The following TBX18 variants were observed in gnomAD, a reference collection of about 807,000 sequenced individuals.
The protein encoded by TBX18 is T-box transcription factor TBX18.
TBX18 carries 21 observed loss-of-function variants against 55.0 expected under a neutral mutation model. That is an observed-to-expected ratio of 0.38 (90% confidence interval 0.27 to 0.55). TBX18 has a LOEUF of 0.55. Among genes scored for constraint, TBX18 ranks in the 20% least tolerant of loss-of-function variants. The probability of loss-of-function intolerance (pLI) is 0.73; values close to 1 mark genes in which losing one functional copy is unlikely to be tolerated. For missense variants in TBX18, 840 were observed against 799.6 expected (o/e 1.05, Z -0.61); for synonymous variants, 342 against 326.1 (o/e 1.05, Z -0.53).
chr6:84,760,265 T>C lies in TBX18; in HGVS notation c.589A>G (p.Lys197Glu). 6.3e-7 allele frequency: 1 copy of C among 1,591,826 alleles called. No homozygotes were observed. The highest frequency in any genetic ancestry group is 8.6e-7 in the Non-Finnish European group (1 of 1,167,716). Reference protein sequence around the residue: ...IAMDIVPVDNKRYRYVYHSSK... With the variant: ...IAMDIVPVDNERYRYVYHSSK... ...ATCTAATCACTGTACCTGTATCTTT[T>C]GTTGTCCACTGGTACAATATCCATG... The change falls in exon 3 of 8, where the codon AAA becomes GAA. Residue 197 changes from lysine to glutamate, a missense_variant. Lys to Glu is a moderately conservative substitution (Grantham distance 56). Coordinates refer to ENST00000369663, the MANE Select transcript of TBX18 (RefSeq NM_001080508.3).
In TBX18 at chr6:84,737,312, G is replaced by A. The variant is rs749629392; in HGVS notation, c.1197C>T (p.Ala399=). The A allele has an allele frequency of 3.1e-6, 5 of 1,602,864 alleles. No individual in the cohort carries two copies. Among genetic ancestry groups the A allele is most frequent in the Non-Finnish European group, 3.4e-6 (4 of 1,174,520 alleles). ...LLSGSSCSSP[A]FHLGPNTSQL... ...GGCTGGTGTTGGGCCCCAGATGGAA[G>A]GCAGGAGAGGAGCAAGAGGAGCCAG... is the stretch of plus-strand genomic sequence containing the variant. The change falls in exon 8 of 8, where the codon GCC becomes GCT. Residue 399 remains alanine, a synonymous_variant. Coordinates refer to ENST00000369663, the MANE Select transcript of TBX18 (RefSeq NM_001080508.3).
intron 1 of TBX18, chr6:84,763,277 A>G (rs939920703): frequency 1.9e-5 from 8 of 417,710 alleles, no homozygotes; most frequent in Admixed American, 8.0e-5. Flanking sequence ...GGCATCTTCT[A>G]GAAGGCTCTT....
At chr6:84,749,884 A>G (rs1248585165) in intron 4 of TBX18, among the ~76,000 whole-genome samples, 2 of 152,208 alleles carry the variant, frequency 1.3e-5, no homozygotes, top group African/African-American at 2.4e-5. Context: ...TTTAATTCTA[A>G]TGGTTCTAAT....
Position 84,732,546 on chromosome 6 carries a change from A to G in TBX18, c.*4139T>C, listed in dbSNP as rs907031998. ...TGAATGGACTTGGAATGATCTCCAT[A>G]TATTATAATAGACTGCTATACTTAT... On this transcript the variant is annotated 3_prime_UTR_variant, in exon 8 of 8. Transcript: ENST00000369663. 1 of 152,166 alleles carries G rather than the reference A, an allele frequency of 6.6e-6. No individual in the cohort carries two copies. The highest frequency in any genetic ancestry group is 2.1e-4 in the South Asian group (1 of 4,832). The allele number at this position is 152,166 out of a possible 1,614,324, so 9.4% of individuals were successfully genotyped here. A position where few individuals can be genotyped will look rare whatever the true frequency, so the allele number is the denominator to read the frequency against.
chr6:84,760,488 A>G (rs1343936862), intron 2 of TBX18, 132 bp from the exon 3 acceptor site: 2 of 563,308 alleles, frequency 3.6e-6, no homozygotes, highest in South Asian at 2.8e-5. Context: ...CACTTTGCCA[A>G]TGTAATTCAA....
At position 84,764,168 on chromosome 6, in the gene TBX18, C is replaced by A; in HGVS notation, c.14G>T (p.Arg5Leu). Reference protein sequence around the residue: MAEKRRGSPCSMLSL... With the variant: MAEKLRGSPCSMLSL... ...TAGCATGCTGCACGGCGAGCCCCTT[C>A]GCTTCTCGGCCATCCCCCCCGCCCC... Residue 5 changes from arginine to leucine, a missense_variant, in exon 1 of 8, where the codon CGA becomes CTA. Coordinates refer to ENST00000369663, the MANE Select transcript of TBX18 (RefSeq NM_001080508.3). 4 of 1,498,068 alleles carry A rather than the reference C, an allele frequency of 2.7e-6. No individual in the cohort carries two copies. Among genetic ancestry groups the A allele is most frequent in the Non-Finnish European group, 2.6e-6 (3 of 1,132,168 alleles). The allele number at this position is 1,498,068 out of a possible 1,614,324, so 92.8% of individuals were successfully genotyped here. A position where few individuals can be genotyped will look rare whatever the true frequency, so the allele number is the denominator to read the frequency against.
Position 84,743,007 on chromosome 6 carries a change from A to G in TBX18, c.1004+1254T>C, listed in dbSNP as rs74515113. Among the ~76,000 whole-genome samples, 5 of 152,020 alleles carry G rather than the reference A, an allele frequency of 3.3e-5. No individual in the cohort carries two copies. The East Asian group carries it at 9.7e-4, about 30-fold the overall frequency. ...AGGAGCTAATGTAACAAAACAAAAG[A>G]CAAGCAATTTTTTTCTCTACATTGA... On this transcript the variant is annotated intron_variant, in intron 6 of 7. Transcript: ENST00000369663.
rs9444227 is a variant in TBX18, at chr6:84,755,840, G to T, written c.771+858C>A. Among the ~76,000 whole-genome samples the T allele has an allele frequency of 5.7e-3, 863 of 152,232 alleles. 9 individuals carry two copies. Among genetic ancestry groups the T allele is most frequent in the African/African-American group, 0.02 (836 of 41,534 alleles). ...ATATCCTGTCATCACTATATTATTAGTTTATGACAACTTACATTTTGTTTT... is the reference window on the plus strand; with the variant it reads ...ATATCCTGTCATCACTATATTATTATTTTATGACAACTTACATTTTGTTTT... On this transcript the variant is annotated intron_variant, in intron 4 of 7. Coordinates refer to ENST00000369663, the MANE Select transcript of TBX18 (RefSeq NM_001080508.3).
Position 84,764,160 on chromosome 6 carries a change from A to G in TBX18, c.22T>C (p.Ser8Pro). The G allele has an allele frequency of 6.6e-7, 1 of 1,519,160 alleles. No homozygotes were observed. Among genetic ancestry groups the G allele is most frequent in the Non-Finnish European group, 8.7e-7 (1 of 1,143,424 alleles). 94.1% of individuals were successfully genotyped at this position (1,519,160 alleles called of 1,614,324 possible). The change falls in exon 1 of 8, where the codon TCG becomes CCG. Residue 8 changes from serine (S) to proline (P), a missense_variant. Physicochemically the swap from Ser to Pro is moderately conservative, Grantham distance 74. Transcript: ENST00000369663. MAEKRRGSPCSMLSLKAH... is the reference protein window; with the variant it reads MAEKRRGPPCSMLSLKAH... ...TTGAGGCTTAGCATGCTGCACGGCGAGCCCCTTCGCTTCTCGGCCATCCCC... is the reference window on the plus strand; with the variant it reads ...TTGAGGCTTAGCATGCTGCACGGCGGGCCCCTTCGCTTCTCGGCCATCCCC...
intron 4 of TBX18, among the ~76,000 whole-genome samples, chr6:84,753,414 A>C (rs931909137): frequency 1.4e-5 from 2 of 147,222 alleles, no homozygotes; most frequent in Admixed American, 1.4e-4. Flanking sequence ...CAGACTTGGC[A>C]GAGTAAAACT....
Position 84,762,854 on chromosome 6 carries a change from G to GTTTC in TBX18, c.293-107_293-106insGAAA, listed in dbSNP as rs1338666612. 7.5e-5 allele frequency: 81 copies of GTTTC among 1,083,682 alleles called. 3 individuals are homozygous for GTTTC. The East Asian group carries it at 8.8e-4, about 12-fold the overall frequency. The allele number at this position is 1,083,682 out of a possible 1,614,324, so 67.1% of individuals were successfully genotyped here. A position where few individuals can be genotyped will look rare whatever the true frequency, so the allele number is the denominator to read the frequency against. The stretch of plus-strand genomic sequence containing the variant: ...GCTGAGAAGAGGAAAATGACCGGGA[G>GTTTC]AAAAGGGGAAGCTTTGGTGCCATCA... On this transcript the variant is annotated intron_variant, in intron 1 of 7. Transcript: ENST00000369663.
chr6:84,764,037 C>T lies in TBX18; in HGVS notation c.145G>A (p.Ala49Thr). ...RKLGAEEAAG[A>T]VDDGGCSRGG... The stretch of plus-strand genomic sequence containing the variant: ...CGGCTGCAGCCTCCGTCGTCCACGG[C>T]CCCCGCCGCCTCTTCGGCGCCCAGT... Residue 49 changes from alanine (A) to threonine (T), a missense_variant, in exon 1 of 8, where the codon GCC (alanine) becomes ACC (threonine). Physicochemically the swap from Ala to Thr is moderately conservative, Grantham distance 58. Coordinates refer to ENST00000369663, the MANE Select transcript of TBX18 (RefSeq NM_001080508.3). 1 of 1,556,216 alleles carries T rather than the reference C, an allele frequency of 6.4e-7. No homozygotes were observed. Among genetic ancestry groups the T allele is most frequent in the Non-Finnish European group, 8.7e-7 (1 of 1,153,756 alleles).
At chr6:84,748,508 T>C (rs955746102) in intron 4 of TBX18, among the ~76,000 whole-genome samples, 1 of 152,218 alleles carries the variant, frequency 6.6e-6, no homozygotes, top group Non-Finnish European at 1.5e-5. Flanking sequence ...GACAAGGTTT[T>C]TTTCAGAGGA....
intron 7 of TBX18, 119 bp from the exon 8 acceptor site, chr6:84,737,528 T>C (rs1406059432): frequency 3.6e-6 from 4 of 1,108,164 alleles, no homozygotes; most frequent in Admixed American, 6.9e-5. Context: ...GCTACAGAGA[T>C]GAAAAGGAGA....
Position 84,748,084 on chromosome 6 carries a change from T to C in TBX18, c.775A>G (p.Ile259Val). The change falls in exon 5 of 8, where the codon ATT becomes GTT. Residue 259 changes from isoleucine (I) to valine (V), a missense_variant. By Grantham distance (29) the Ile-to-Val change is conservative. Coordinates refer to ENST00000369663, the MANE Select transcript of TBX18 (RefSeq NM_001080508.3). ...NNELDDQGHI[I>V]LHSMHKYQPR... ...TGGTATTTGTGCATAGAATGAAGAATAATCTATATCAAAGAAGGAAAAGCT... is the reference window on the plus strand; with the variant it reads ...TGGTATTTGTGCATAGAATGAAGAACAATCTATATCAAAGAAGGAAAAGCT... The C allele has an allele frequency of 6.2e-7, 1 of 1,602,584 alleles. No individual in the cohort carries two copies.
In TBX18 at chr6:84,737,405, A is replaced by G. The variant is rs1398100457; in HGVS notation, c.1104T>C (p.Asn368=). The G allele has an allele frequency of 4.0e-6, 6 of 1,510,438 alleles. No homozygotes were observed. The highest frequency in any genetic ancestry group is 4.4e-6 in the Non-Finnish European group (5 of 1,129,432). The allele number at this position is 1,510,438 out of a possible 1,614,324, so 93.6% of individuals were successfully genotyped here. Reference sequence around the variant, plus strand: ...CTTGGAGCAAGGTGGAGGAACTTGCATTGCCTACAAAAGAAGTTGAAATGT... The same window carrying G: ...CTTGGAGCAAGGTGGAGGAACTTGCGTTGCCTACAAAAGAAGTTGAAATGT... ...EDIPGIPKQG[N]ASSSTLLQGT... Residue 368 remains asparagine, a synonymous_variant, in exon 8 of 8, where the codon AAT becomes AAC. Transcript: ENST00000369663.
chr6:84,764,376 G>T lies in TBX18; in HGVS notation c.-195C>A. 2.6e-6 allele frequency: 2 copies of T among 769,534 alleles called. No homozygotes were observed. Among genetic ancestry groups the T allele is most frequent in the Non-Finnish European group, 3.8e-6 (2 of 530,312 alleles). The allele number at this position is 769,534 out of a possible 1,614,324, so 47.7% of individuals were successfully genotyped here. A position where few individuals can be genotyped will look rare whatever the true frequency, so the allele number is the denominator to read the frequency against. ...GTGTTGGGATCCAGGAACCGGCGAC[G>T]CGCCGGCCAAGTCTCCTTTCCTGGG... is the stretch of plus-strand genomic sequence containing the variant. On this transcript the variant is annotated 5_prime_UTR_variant, in exon 1 of 8. Coordinates refer to ENST00000369663, the MANE Select transcript of TBX18 (RefSeq NM_001080508.3).
At chr6:84,743,552 ACT>A (rs1257663349) in intron 6 of TBX18, among the ~76,000 whole-genome samples, 1 of 152,170 alleles carries the variant, frequency 6.6e-6, no homozygotes, top group Non-Finnish European at 1.5e-5. Context: ...GTCTATTATT[ACT>A]CTCTATTACT....
chr6:84,746,682 T>C (rs1767203204), intron 5 of TBX18, among the ~76,000 whole-genome samples: 1 of 148,134 alleles, frequency 6.8e-6, no homozygotes, highest in South Asian at 2.1e-4. Flanking sequence ...ACATATGTTA[T>C]ATATAATACG....
Sources: allele counts gnomAD v4.1 joint callset (sites outside exome capture counted in the v4.1 genomes callset), GRCh38; gene constraint gnomAD v4.1.1; transcripts MANE v1.5; gene names NCBI Gene and HGNC (gene_info 2026-07-23, HGNC 2026-07-21).